The following WWOX variants were observed in gnomAD, a reference collection of about 807,000 sequenced individuals.
WWOX encodes WW domain-containing oxidoreductase.
A neutral mutation model predicts 46.2 loss-of-function variants in WWOX; 69 were observed. That is an observed-to-expected ratio of 1.49 (90% CI 1.23 to 1.82). The LOEUF (loss-of-function observed/expected upper bound fraction) is 1.82. Ranked by LOEUF, WWOX falls within the 40% of genes most tolerant of loss-of-function variation. The pLI is 0.00. For missense variants in WWOX, 919 were observed against 542.6 expected, an observed-to-expected ratio of 1.69 and a Z score of -6.89; for synonymous variants, 359 against 202.6, an observed-to-expected ratio of 1.77 and a Z score of -6.56.
At chr16:78,810,964 A>C (rs7195088) in intron 8 of WWOX, among the ~76,000 whole-genome samples, 15,261 of 84,042 alleles carry the variant, frequency 0.18, 876 homozygotes, top group South Asian at 0.26. Flanking sequence ...CCGTGGCCAG[A>C]AGCATATTTG....
chr16:79,200,402 A>G (rs1444533096), intron 8 of WWOX, among the ~76,000 whole-genome samples: 1 of 152,198 alleles, frequency 6.6e-6, no homozygotes, highest in African/African-American at 2.4e-5. Context: ...TTAGAACATT[A>G]CACGTCAACA....
intron 8 of WWOX, among the ~76,000 whole-genome samples, chr16:78,761,844 G>C (rs1319017154): frequency 6.6e-6 from 1 of 152,118 alleles, no homozygotes; most frequent in East Asian, 1.9e-4. Context: ...ACCCGACATA[G>C]ACTAACTTAA....
intron 8 of WWOX, among the ~76,000 whole-genome samples, chr16:78,477,975 G>C (rs908892829): frequency 6.6e-6 from 1 of 152,114 alleles, no homozygotes; most frequent in Admixed American, 6.5e-5. Flanking sequence ...AAATATAAAA[G>C]CTGCAATAGG....
At chr16:78,704,759 C>G (rs1050257390) in intron 8 of WWOX, among the ~76,000 whole-genome samples, 1 of 152,132 alleles carries the variant, frequency 6.6e-6, no homozygotes, top group African/African-American at 2.4e-5. Flanking sequence ...TATTTTCTCC[C>G]TGTTGACTCC....
chr16:78,534,726 T>G lies in WWOX; in HGVS notation c.1056+101974T>G, dbSNP rs187227552. 5.9e-5 allele frequency among the ~76,000 whole-genome samples: 9 copies of G among 152,194 alleles called. No individual in the cohort carries two copies. In the East Asian group the frequency reaches 1.7e-3, roughly 29 times the overall value. Reference sequence around the variant, plus strand: ...TTTTTATTTTTTTATTTCATTTTATTTTTTTTGAGACAGAGTCTCTGTCTC... The same window carrying G: ...TTTTTATTTTTTTATTTCATTTTATGTTTTTTGAGACAGAGTCTCTGTCTC... On this transcript the variant is annotated intron_variant, in intron 8 of 8. Coordinates refer to ENST00000566780, the MANE Select transcript of WWOX (RefSeq NM_016373.4).
chr16:78,905,001 T>A (rs1303449739), intron 8 of WWOX, among the ~76,000 whole-genome samples: 1 of 152,204 alleles, frequency 6.6e-6, no homozygotes, highest in Admixed American at 6.5e-5. Flanking sequence ...CCTATAGTGT[T>A]ATTATAACTA....
intron 4 of WWOX, among the ~76,000 whole-genome samples, chr16:78,148,593 C>G (rs187945625): frequency 1.1e-4 from 17 of 151,828 alleles, no homozygotes; most frequent in African/African-American, 3.9e-4. Flanking sequence ...GGTTCTCAGA[C>G]AAGTTTATAA....
chr16:78,772,317 T>C (rs893254098), intron 8 of WWOX, among the ~76,000 whole-genome samples: 1 of 152,200 alleles, frequency 6.6e-6, no homozygotes, highest in Non-Finnish European at 1.5e-5. Flanking sequence ...CCTGCATTAG[T>C]TTGCTGAGGA....
chr16:78,995,813 G>A (rs980770460), intron 8 of WWOX, among the ~76,000 whole-genome samples: 1 of 152,190 alleles, frequency 6.6e-6, no homozygotes, highest in Non-Finnish European at 1.5e-5. Flanking sequence ...CATTGCAAGT[G>A]TAAAGGAGAC....
chr16:78,723,334 C>T (rs1295168314), intron 8 of WWOX, among the ~76,000 whole-genome samples: 1 of 152,132 alleles, frequency 6.6e-6, no homozygotes, highest in Non-Finnish European at 1.5e-5. Flanking sequence ...CAGTGTCTGT[C>T]AACGTGGCTT....
intron 8 of WWOX, among the ~76,000 whole-genome samples, chr16:78,867,802 C>A (rs1027413244): frequency 6.6e-6 from 1 of 152,102 alleles, no homozygotes; most frequent in African/African-American, 2.4e-5. Flanking sequence ...CTTTTCTGAC[C>A]TCATCGCTGC....
chr16:79,078,330 T>A (rs2048698627), intron 8 of WWOX: 1 of 152,196 alleles, frequency 6.6e-6, no homozygotes, highest in Admixed American at 6.5e-5. Context: ...AGGGTTTTGT[T>A]ACTTGCAAGG....
At chr16:78,870,677 C>T (rs2044107860) in intron 8 of WWOX, among the ~76,000 whole-genome samples, 1 of 152,292 alleles carries the variant, frequency 6.6e-6, no homozygotes, top group East Asian at 1.9e-4. Flanking sequence ...TCTTGCCTCA[C>T]GGCAACCTCT....
At chr16:78,329,873 A>G (rs1174360492) in intron 5 of WWOX, among the ~76,000 whole-genome samples, 2 of 151,772 alleles carry the variant, frequency 1.3e-5, no homozygotes, top group Non-Finnish European at 2.9e-5. Flanking sequence ...CAACCTCCCA[A>G]GTAGCTGGGA....
At chr16:78,941,381 C>T (rs749965029) in intron 8 of WWOX, among the ~76,000 whole-genome samples, 3 of 152,054 alleles carry the variant, frequency 2.0e-5, no homozygotes, top group Non-Finnish European at 4.4e-5. Context: ...GCTCCGTGGC[C>T]ATTGCCAAAG....
intron 5 of WWOX, among the ~76,000 whole-genome samples, chr16:78,171,913 G>A (rs370509524): frequency 5.9e-5 from 9 of 152,154 alleles, no homozygotes; most frequent in Non-Finnish European, 1.2e-4. Context: ...GCAGGTGGGG[G>A]GTTGGATATT....
intron 8 of WWOX, among the ~76,000 whole-genome samples, chr16:78,555,064 G>C (rs1420220741): frequency 6.6e-6 from 1 of 151,890 alleles, no homozygotes; most frequent in East Asian, 1.9e-4. Flanking sequence ...AGACATTGGT[G>C]GGGGCCAGGG....
intron 5 of WWOX, among the ~76,000 whole-genome samples, chr16:78,333,548 C>G (rs753534363): frequency 2.6e-5 from 4 of 152,038 alleles, no homozygotes; most frequent in African/African-American, 4.8e-5. Context: ...GTGAAATAAT[C>G]AGTATATCAT....
intron 8 of WWOX, among the ~76,000 whole-genome samples, chr16:79,140,644 C>G (rs1344840436): frequency 6.6e-6 from 1 of 152,200 alleles, no homozygotes; most frequent in Non-Finnish European, 1.5e-5. Context: ...AAGCAAGAAG[C>G]GCTGCTCCCA....
Sources: allele counts gnomAD v4.1 joint callset (sites outside exome capture counted in the v4.1 genomes callset), GRCh38; gene constraint gnomAD v4.1.1; transcripts MANE v1.5; gene names NCBI Gene and HGNC (gene_info 2026-07-23, HGNC 2026-07-21).